LIFR: variants seen among roughly 807,000 people sequenced by gnomAD.
LIFR encodes the protein LIF receptor subunit alpha.
LIFR carries 84 observed loss-of-function variants against 122.2 expected under a neutral mutation model. That is an observed-to-expected ratio of 0.69 (90% CI 0.58 to 0.82). LIFR has a LOEUF of 0.82. Among genes scored for constraint, LIFR ranks in the 40% least tolerant of loss-of-function variants. The probability of loss-of-function intolerance (pLI) is 0.00; values close to 1 mark genes in which losing one functional copy is unlikely to be tolerated. For synonymous variants in LIFR, 422 were observed against 434.7 expected (o/e 0.97, Z 0.36); for missense variants, 1,294 against 1,311.6 (o/e 0.99, Z 0.21).
At chr5:38,537,045 T>A (rs1180239502) in intron 1 of LIFR, among the ~76,000 whole-genome samples, 1 of 152,188 alleles carries the variant, frequency 6.6e-6, no homozygotes, top group Admixed American at 6.5e-5. Context: ...GGATCCTCCA[T>A]GTCAGTTTTA....
intron 7 of LIFR, 53 bp from the exon 8 acceptor site, chr5:38,506,685 CATA>C (rs1451844050): frequency 1.3e-5 from 19 of 1,470,890 alleles, no homozygotes; most frequent in Non-Finnish European, 1.6e-5. Context: ...TCCCTGAAAA[CATA>C]ATATTTTATA....
At chr5:38,523,846 G>A (rs1199643291) in intron 4 of LIFR, among the ~76,000 whole-genome samples, 3 of 152,060 alleles carry the variant, frequency 2.0e-5, no homozygotes, top group African/African-American at 7.2e-5. Context: ...AAAGGGAAAC[G>A]ACTAATATTC....
At chr5:38,544,649 G>A (rs552787712) in intron 1 of LIFR, among the ~76,000 whole-genome samples, 7 of 152,184 alleles carry the variant, frequency 4.6e-5, no homozygotes, top group South Asian at 2.1e-4. Context: ...ATCCTTCAGC[G>A]TACACATCAA....
intron 1 of LIFR, among the ~76,000 whole-genome samples, chr5:38,584,050 G>A (rs1052679774): frequency 2.0e-5 from 3 of 151,856 alleles, no homozygotes; most frequent in South Asian, 2.1e-4. Context: ...ACCCAGTCTC[G>A]GGTATGTCTT....
chr5:38,481,399 G>A lies in LIFR; in HGVS notation c.*196C>T, dbSNP rs1353564603. On this transcript the variant is annotated 3_prime_UTR_variant, in exon 20 of 20. Transcript: ENST00000453190. The stretch of plus-strand genomic sequence containing the variant: ...CCAATCTTGAGTTTTGTGGATTGAG[G>A]ATTCTGAGTCACTATACTTTGGCTT... 4.8e-6 allele frequency: 3 copies of A among 623,740 alleles called. No homozygotes were observed. In the South Asian group the frequency reaches 5.8e-5, roughly 12 times the overall value. 38.6% of individuals were successfully genotyped at this position (623,740 alleles called of 1,614,324 possible). A position where few individuals can be genotyped will look rare whatever the true frequency, so the allele number is the denominator to read the frequency against.
At chr5:38,499,104 A>G (rs140331809) in intron 12 of LIFR, among the ~76,000 whole-genome samples, 1 of 152,334 alleles carries the variant, frequency 6.6e-6, no homozygotes, top group East Asian at 1.9e-4. Context: ...AAACTTTATA[A>G]CTGGCATGTT....
intron 4 of LIFR, among the ~76,000 whole-genome samples, chr5:38,526,003 C>A (rs1020131225): frequency 6.6e-6 from 1 of 152,186 alleles, no homozygotes; most frequent in African/African-American, 2.4e-5. Context: ...AAGCTAAAGA[C>A]AGTAATGGCC....
At chr5:38,562,408 G>A (rs2112694747) in intron 1 of LIFR, among the ~76,000 whole-genome samples, 1 of 152,126 alleles carries the variant, frequency 6.6e-6, no homozygotes, top group South Asian at 2.1e-4. Flanking sequence ...CTTATTCTTA[G>A]CTGTTGACCA....
chr5:38,499,695 A>G (rs1745077345), intron 11 of LIFR, 112 bp from the exon 12 acceptor site: 1 of 776,860 alleles, frequency 1.3e-6, no homozygotes, highest in Admixed American at 2.1e-5. Context: ...GAAGCAGTTC[A>G]GTGGCTTCCA....
intron 1 of LIFR, among the ~76,000 whole-genome samples, chr5:38,568,390 G>T (rs767897838): frequency 7.9e-5 from 12 of 152,128 alleles, no homozygotes; most frequent in Admixed American, 2.0e-4. Flanking sequence ...CACATGGTTG[G>T]CATGTTCCAG....
chr5:38,514,697 T>A (rs1054791289), intron 5 of LIFR, among the ~76,000 whole-genome samples: 2 of 152,200 alleles, frequency 1.3e-5, no homozygotes, highest in Non-Finnish European at 2.9e-5. Context: ...TCCACATCTG[T>A]GAGGTCAACC....
chr5:38,522,118 C>A (rs1424125401), intron 5 of LIFR, among the ~76,000 whole-genome samples: 1 of 152,196 alleles, frequency 6.6e-6, no homozygotes, highest in African/African-American at 2.4e-5. Flanking sequence ...CAATGGTAGC[C>A]ATAGGCATGC....
intron 4 of LIFR, among the ~76,000 whole-genome samples, chr5:38,526,274 T>C (rs1746674449): frequency 6.6e-6 from 1 of 152,178 alleles, no homozygotes; most frequent in Non-Finnish European, 1.5e-5. Flanking sequence ...CATAAGAAGA[T>C]AAGAGTATTC....
intron 5 of LIFR, among the ~76,000 whole-genome samples, chr5:38,521,800 G>A (rs893647957): frequency 1.3e-5 from 2 of 152,186 alleles, no homozygotes; most frequent in Non-Finnish European, 2.9e-5. Flanking sequence ...AGCATGTGCA[G>A]TAGGTGCCAG....
chr5:38,551,581 A>G (rs899346941), intron 1 of LIFR, among the ~76,000 whole-genome samples: 3 of 152,226 alleles, frequency 2.0e-5, no homozygotes, highest in African/African-American at 7.2e-5. Context: ...CATTCTCTGG[A>G]AGAGCACCAC....
chr5:38,542,508 C>T (rs757890935), intron 1 of LIFR, among the ~76,000 whole-genome samples: 25 of 152,232 alleles, frequency 1.6e-4, no homozygotes, highest in Middle Eastern at 6.8e-3. Flanking sequence ...TGCTTCTAAC[C>T]GGTCTCAGGA....
chr5:38,498,108 G>C (rs568035309), intron 12 of LIFR, among the ~76,000 whole-genome samples: 1 of 152,246 alleles, frequency 6.6e-6, no homozygotes, highest in Non-Finnish European at 1.5e-5. Flanking sequence ...GACTGAGGAT[G>C]ATCTAACACT....
upstream of LIFR, among the ~76,000 whole-genome samples, chr5:38,596,153 A>G (rs1161152822): frequency 1.3e-5 from 2 of 152,190 alleles, no homozygotes; most frequent in African/African-American, 4.8e-5. Flanking sequence ...CTGGAGCAAT[A>G]TGGACAATTT....
At chr5:38,578,086 C>T (rs6896239) in intron 1 of LIFR, among the ~76,000 whole-genome samples, 17,301 of 152,064 alleles carry the variant, frequency 0.11, 2,925 homozygotes, top group African/African-American at 0.36. Flanking sequence ...GCATTGGTAA[C>T]ATCTAGTTTA....
Sources: allele counts gnomAD v4.1 joint callset (sites outside exome capture counted in the v4.1 genomes callset), GRCh38; gene constraint gnomAD v4.1.1; transcripts MANE v1.5; gene names NCBI Gene and HGNC (gene_info 2026-07-23, HGNC 2026-07-21).